NKAIN2: variants seen among roughly 807,000 people sequenced by gnomAD.
NKAIN2 encodes the protein sodium/potassium-transporting ATPase subunit beta-1-interacting protein 2.
A neutral mutation model predicts 32.6 loss-of-function variants in NKAIN2; 14 were observed. The ratio of observed to expected loss-of-function variants is 0.43; its 90% CI spans 0.28 to 0.67. The LOEUF (loss-of-function observed/expected upper bound fraction) is 0.67, where lower values mean the gene tolerates loss of function less well. NKAIN2 is among the 30% of genes least tolerant of loss of function. The probability of loss-of-function intolerance (pLI) is 0.17; values close to 1 mark genes in which losing one functional copy is unlikely to be tolerated. For missense variants in NKAIN2, 198 were observed against 258.3 expected, an observed-to-expected ratio of 0.77 and a Z score of 1.60; for synonymous variants, 80 against 87.2, an observed-to-expected ratio of 0.92 and a Z score of 0.46.
At chr6:124,107,932 G>A (rs1459756459) in intron 1 of NKAIN2, among the ~76,000 whole-genome samples, 12 of 152,034 alleles carry the variant, frequency 7.9e-5, no homozygotes, top group Admixed American at 7.9e-4. Flanking sequence ...ATCCATCAAT[G>A]GACCTTTAAG....
intron 1 of NKAIN2, among the ~76,000 whole-genome samples, chr6:124,220,070 A>C (rs920140912): frequency 2.0e-5 from 3 of 152,010 alleles, no homozygotes; most frequent in Non-Finnish European, 4.4e-5. Flanking sequence ...TCTCATCTTG[A>C]ATTGTAATTC....
chr6:124,028,460 G>A (rs188635210), intron 1 of NKAIN2, among the ~76,000 whole-genome samples: 251 of 151,254 alleles, frequency 1.7e-3, no homozygotes, highest in African/African-American at 5.6e-3. Context: ...GTTAATGGGT[G>A]CAGCACACCA....
intron 1 of NKAIN2, among the ~76,000 whole-genome samples, chr6:123,944,033 G>T (rs60860299): frequency 0.063 from 9,608 of 151,982 alleles, 981 homozygotes; most frequent in African/African-American, 0.21. Flanking sequence ...GGGAGTCTTT[G>T]ATGTTCTCTC....
intron 5 of NKAIN2, among the ~76,000 whole-genome samples, chr6:124,797,542 C>T (rs996437959): frequency 6.6e-6 from 1 of 152,166 alleles, no homozygotes; most frequent in African/African-American, 2.4e-5. Flanking sequence ...CTGAATTCCT[C>T]AAAATCAACT....
Position 124,486,807 on chromosome 6 carries a change from C to T in NKAIN2, c.273+131460C>T, listed in dbSNP as rs373167811. Among the ~76,000 whole-genome samples the T allele has an allele frequency of 1.7e-3, 253 of 152,114 alleles. 1 individual carries two copies. Among genetic ancestry groups the T allele is most frequent in the African/African-American group, 5.4e-3 (226 of 41,504 alleles). ...ACCCATTAGGGTGCCTCACTGTGCG[C>T]GGCCTTCAGGTTCAACCTCTGCTCT... On this transcript the variant is annotated intron_variant, in intron 3 of 6. Transcript: ENST00000368417.
intron 1 of NKAIN2, among the ~76,000 whole-genome samples, chr6:123,991,817 G>T (rs886809100): frequency 1.3e-5 from 2 of 152,020 alleles, no homozygotes; most frequent in African/African-American, 2.4e-5. Context: ...AGCTGAGATC[G>T]CACCACTGCA....
At chr6:123,831,572 C>A (rs918983518) in intron 1 of NKAIN2, among the ~76,000 whole-genome samples, 70 of 150,566 alleles carry the variant, frequency 4.6e-4, no homozygotes, top group Non-Finnish European at 3.8e-4. Context: ...AATAAAGAGA[C>A]AGGTAAGAGG....
intron 2 of NKAIN2, among the ~76,000 whole-genome samples, chr6:124,292,935 T>C (rs1795884632): frequency 6.6e-6 from 1 of 152,144 alleles, no homozygotes. Context: ...TAGTTGAAAG[T>C]ATTGCTTTAA....
At chr6:124,054,527 G>C (rs1311878940) in intron 1 of NKAIN2, among the ~76,000 whole-genome samples, 1 of 152,006 alleles carries the variant, frequency 6.6e-6, no homozygotes. Flanking sequence ...TATTAAACAT[G>C]TCAATAATGT....
intron 2 of NKAIN2, among the ~76,000 whole-genome samples, chr6:124,344,811 G>A (rs1170799187): frequency 2.6e-5 from 4 of 152,162 alleles, no homozygotes; most frequent in African/African-American, 7.2e-5. Flanking sequence ...TTTCCTAACT[G>A]AATACCCTTT....
At chr6:124,764,358 T>C (rs1320052551) in intron 4 of NKAIN2, among the ~76,000 whole-genome samples, 2 of 152,204 alleles carry the variant, frequency 1.3e-5, no homozygotes, top group African/African-American at 2.4e-5. Flanking sequence ...TCATTATTTA[T>C]TGGTAATAAA....
At chr6:124,056,784 G>T (rs1440356100) in intron 1 of NKAIN2, among the ~76,000 whole-genome samples, 1 of 151,852 alleles carries the variant, frequency 6.6e-6, no homozygotes, top group African/African-American at 2.4e-5. Context: ...CTCTCAAACG[G>T]TCGCACAAGC....
chr6:124,422,454 T>C (rs1190200793), intron 3 of NKAIN2, among the ~76,000 whole-genome samples: 3 of 152,242 alleles, frequency 2.0e-5, no homozygotes, highest in African/African-American at 7.2e-5. Context: ...TCTTTGGCTA[T>C]TAATCCTATT....
At chr6:124,334,757 A>G (rs970845602) in intron 2 of NKAIN2, among the ~76,000 whole-genome samples, 2 of 152,192 alleles carry the variant, frequency 1.3e-5, no homozygotes, top group Non-Finnish European at 2.9e-5. Context: ...ATTTGTGGCT[A>G]ATTTGTTAAT....
chr6:123,972,215 C>T (rs920509024), intron 1 of NKAIN2, among the ~76,000 whole-genome samples: 1 of 152,176 alleles, frequency 6.6e-6, no homozygotes, highest in Non-Finnish European at 1.5e-5. Context: ...AGTATGACTT[C>T]CTGTCAACAG....
At chr6:124,759,442 C>A (rs576677004) in intron 4 of NKAIN2, among the ~76,000 whole-genome samples, 41 of 152,020 alleles carry the variant, frequency 2.7e-4, no homozygotes, top group African/African-American at 8.0e-4. Context: ...ATTAATTTAA[C>A]ATTTAATATT....
At chr6:124,605,191 T>A (rs1308006677) in intron 3 of NKAIN2, among the ~76,000 whole-genome samples, 4 of 152,082 alleles carry the variant, frequency 2.6e-5, no homozygotes, top group Non-Finnish European at 4.4e-5. Context: ...AAACAAATAA[T>A]TAGAAATATT....
intron 5 of NKAIN2, among the ~76,000 whole-genome samples, chr6:124,806,069 G>A (rs1202620658): frequency 6.6e-6 from 1 of 152,170 alleles, no homozygotes; most frequent in Admixed American, 6.5e-5. Flanking sequence ...CATTCTGCAG[G>A]ATATTATCCA....
At chr6:124,076,614 A>AAT (rs1294096609) in intron 1 of NKAIN2, among the ~76,000 whole-genome samples, 1 of 152,232 alleles carries the variant, frequency 6.6e-6, no homozygotes. Flanking sequence ...TGATGTTTAT[A>AAT]ATATAGAAAT....
Sources: gnomAD v4.1 joint callset for allele counts (sites outside exome capture counted in the v4.1 genomes callset) on GRCh38, gnomAD v4.1.1 for gene constraint, MANE v1.5 for transcripts, NCBI Gene and HGNC (gene_info 2026-07-23, HGNC 2026-07-21) for gene names.